Variants in KCNT2 observed in about 807,000 individuals in gnomAD.
KCNT2 encodes the protein potassium sodium-activated channel subfamily T member 2, also known as potassium channel subfamily T member 2.
A neutral mutation model predicts 153.8 loss-of-function variants in KCNT2; 67 were observed. The observed-to-expected ratio is 0.44, with a 90% CI of 0.36 to 0.53. The LOEUF is 0.53. Among genes scored for constraint, KCNT2 ranks in the 20% least tolerant of loss-of-function variants. The probability of loss-of-function intolerance (pLI) is 0.00; values close to 1 mark genes in which losing one functional copy is unlikely to be tolerated. For synonymous variants in KCNT2, 500 were observed against 458.8 expected, an observed-to-expected ratio of 1.09 and a Z score of -1.15; for missense variants, 975 against 1,354.8, an observed-to-expected ratio of 0.72 and a Z score of 4.40.
intron 25 of KCNT2, among the ~76,000 whole-genome samples, chr1:196,278,010 T>C (rs1169502225): frequency 6.6e-6 from 1 of 152,192 alleles, no homozygotes; most frequent in Non-Finnish European, 1.5e-5. Context: ...TGAGCAAAGA[T>C]AGATATTACT....
chr1:196,370,733 T>C (rs1668453701), intron 14 of KCNT2, among the ~76,000 whole-genome samples: 1 of 152,104 alleles, frequency 6.6e-6, no homozygotes, highest in Admixed American at 6.6e-5. Context: ...TGAAAGCCTA[T>C]GTTACACAAA....
At chr1:196,286,668 G>A (rs1322004836) in intron 22 of KCNT2, among the ~76,000 whole-genome samples, 1 of 146,826 alleles carries the variant, frequency 6.8e-6, no homozygotes, top group African/African-American at 2.6e-5. Context: ...CACACACGTT[G>A]TTTATGTATG....
chr1:196,572,711 G>A (rs1660920558), intron 1 of KCNT2, among the ~76,000 whole-genome samples: 1 of 152,062 alleles, frequency 6.6e-6, no homozygotes, highest in South Asian at 2.1e-4. Context: ...GTAGGTTAAT[G>A]TAGACTTTCA....
chr1:196,306,701 C>T (rs1355697168), intron 21 of KCNT2, among the ~76,000 whole-genome samples: 2 of 151,116 alleles, frequency 1.3e-5, no homozygotes, highest in Non-Finnish European at 2.9e-5. Context: ...CTAACACATT[C>T]TTAAGAAGAG....
intron 22 of KCNT2, among the ~76,000 whole-genome samples, chr1:196,292,238 A>G (rs1236622197): frequency 6.6e-6 from 1 of 152,228 alleles, no homozygotes; most frequent in African/African-American, 2.4e-5. Flanking sequence ...TTGCAAGGTC[A>G]TGTATAAAAA....
chr1:196,493,346 T>C (rs936991585), intron 1 of KCNT2, among the ~76,000 whole-genome samples: 2 of 151,248 alleles, frequency 1.3e-5, no homozygotes, highest in Non-Finnish European at 2.9e-5. Context: ...GGGGGGGAGA[T>C]TTTTGGTTTT....
intron 22 of KCNT2, among the ~76,000 whole-genome samples, chr1:196,293,887 A>C (rs1263394537): frequency 1.3e-5 from 2 of 152,096 alleles, no homozygotes; most frequent in Admixed American, 6.5e-5. Context: ...AAAAACAAAA[A>C]ACAAAACAAT....
intron 14 of KCNT2, among the ~76,000 whole-genome samples, chr1:196,344,389 C>CAACAT (rs1393774644): frequency 6.6e-6 from 1 of 152,110 alleles, no homozygotes; most frequent in Non-Finnish European, 1.5e-5. Flanking sequence ...AGGAAAACAA[C>CAACAT]AACATAAAAC....
chr1:196,584,987 A>G (rs1198828160), intron 1 of KCNT2, among the ~76,000 whole-genome samples: 1 of 152,072 alleles, frequency 6.6e-6, no homozygotes. Flanking sequence ...GAGTCAGCAC[A>G]CATGTGTTCT....
At chr1:196,397,620 A>G (rs1288799520) in intron 13 of KCNT2, among the ~76,000 whole-genome samples, 1 of 151,530 alleles carries the variant, frequency 6.6e-6, no homozygotes, top group African/African-American at 2.4e-5. Flanking sequence ...GTTAGGAAAA[A>G]AAGTGATGAC....
At chr1:196,592,140 A>C (rs1663432414) in intron 1 of KCNT2, among the ~76,000 whole-genome samples, 1 of 152,160 alleles carries the variant, frequency 6.6e-6, no homozygotes. Flanking sequence ...TGAATGGATA[A>C]AGAAAATGTG....
At chr1:196,275,712 C>T (rs1157435954) in intron 25 of KCNT2, among the ~76,000 whole-genome samples, 1 of 150,826 alleles carries the variant, frequency 6.6e-6, no homozygotes, top group Non-Finnish European at 1.5e-5. Flanking sequence ...ATTTTTTTTT[C>T]CATGAATAAA....
chr1:196,528,894 T>C (rs1404242030), intron 1 of KCNT2, among the ~76,000 whole-genome samples: 1 of 152,148 alleles, frequency 6.6e-6, no homozygotes, highest in Non-Finnish European at 1.5e-5. Context: ...CATGATACGA[T>C]TGTGCATTAG....
intron 27 of KCNT2, among the ~76,000 whole-genome samples, chr1:196,228,638 A>G (rs1038743426): frequency 6.6e-6 from 1 of 152,060 alleles, no homozygotes; most frequent in Admixed American, 6.6e-5. Context: ...TTTTTCAATT[A>G]TAATCAATTT....
intron 14 of KCNT2, among the ~76,000 whole-genome samples, chr1:196,348,010 A>G (rs970395840): frequency 3.3e-5 from 5 of 152,114 alleles, no homozygotes; most frequent in Non-Finnish European, 7.3e-5. Flanking sequence ...TATCCCCAAG[A>G]CATGACATCG....
At chr1:196,228,651 G>A (rs900305117) in intron 27 of KCNT2, among the ~76,000 whole-genome samples, 1 of 151,910 alleles carries the variant, frequency 6.6e-6, no homozygotes, top group Non-Finnish European at 1.5e-5. Flanking sequence ...ATCAATTTCA[G>A]CACCTTCGTC....
chr1:196,259,293 T>A lies in KCNT2; in HGVS notation c.2911-799A>T, dbSNP rs1321280330. ...TTACTCTTTTATGACTAAATTTGAT[T>A]TTTAAAGTAAGATGCTCTCCTTTGA... On this transcript the variant is annotated intron_variant, in intron 25 of 27. Coordinates refer to ENST00000294725, the MANE Select transcript of KCNT2 (RefSeq NM_198503.5). 7.9e-5 allele frequency among the ~76,000 whole-genome samples: 12 copies of A among 152,278 alleles called. No homozygotes were observed. In the South Asian group the frequency reaches 2.5e-3, roughly 32 times the overall value.
At chr1:196,487,809 T>C (rs1313756007) in intron 3 of KCNT2, among the ~76,000 whole-genome samples, 1 of 151,950 alleles carries the variant, frequency 6.6e-6, no homozygotes, top group Admixed American at 6.6e-5. Flanking sequence ...CCAAATACCA[T>C]AAAATAGAAG....
intron 1 of KCNT2, among the ~76,000 whole-genome samples, chr1:196,541,515 C>A (rs754327786): frequency 6.6e-6 from 1 of 152,040 alleles, no homozygotes; most frequent in East Asian, 1.9e-4. Context: ...GTCTTATTGG[C>A]GCACAAACAT....
Sources: allele counts gnomAD v4.1 joint callset (sites outside exome capture counted in the v4.1 genomes callset), GRCh38; gene constraint gnomAD v4.1.1; transcripts MANE v1.5; gene names NCBI Gene and HGNC (gene_info 2026-07-23, HGNC 2026-07-21).